The following DOCK4 variants were observed in gnomAD, a reference collection of about 807,000 sequenced individuals.
The protein encoded by DOCK4 is dedicator of cytokinesis 4.
DOCK4 carries 97 observed loss-of-function variants against 268.1 expected under a neutral mutation model. That is an observed-to-expected ratio of 0.36 (90% CI 0.31 to 0.43). The LOEUF (loss-of-function observed/expected upper bound fraction) is 0.43, where lower values mean the gene tolerates loss of function less well. Ranked by LOEUF, DOCK4 falls within the 20% of genes least tolerant of loss-of-function variation. The pLI is 1.00. For missense variants in DOCK4, 2,145 were observed against 2,455.7 expected (o/e 0.87, Z 2.67); for synonymous variants, 954 against 887.2 (o/e 1.08, Z -1.34).
In DOCK4 at chr7:112,038,061, G is replaced by A. The variant is rs149339596; in HGVS notation, c.38-33930C>T. Among the ~76,000 whole-genome samples the A allele has an allele frequency of 5.3e-5, 8 of 152,276 alleles. No homozygotes were observed. The East Asian group carries it at 1.5e-3, about 29-fold the overall frequency. On this transcript the variant is annotated intron_variant, in intron 1 of 52. Coordinates refer to ENST00000428084, the MANE Select transcript of DOCK4 (RefSeq NM_001363540.2). Reference sequence around the variant, plus strand: ...TTTAAACTTTAAAATAGCATGGACAGCATGTTAGCATTGTTATAAAATTAT... The same window carrying A: ...TTTAAACTTTAAAATAGCATGGACAACATGTTAGCATTGTTATAAAATTAT...
intron 44 of DOCK4, among the ~76,000 whole-genome samples, chr7:111,745,683 T>TAAAATAAA (rs1554579454): frequency 1.4e-4 from 7 of 49,614 alleles, no homozygotes; most frequent in African/African-American, 6.4e-4. Flanking sequence ...GACTCCGTCT[T>TAAAATAAA]AAAAAAAAAA....
At chr7:112,081,785 T>C (rs1330015556) in intron 1 of DOCK4, among the ~76,000 whole-genome samples, 2 of 152,042 alleles carry the variant, frequency 1.3e-5, no homozygotes, top group Non-Finnish European at 2.9e-5. Flanking sequence ...AAAAGAAAGA[T>C]GGTAAATTGG....
At chr7:112,021,094 C>T (rs1192504861) in intron 1 of DOCK4, among the ~76,000 whole-genome samples, 1 of 152,170 alleles carries the variant, frequency 6.6e-6, no homozygotes, top group Non-Finnish European at 1.5e-5. Context: ...ACACAGAGGA[C>T]AAAAGCTGAC....
chr7:112,115,633 T>TCATC (rs200926243), intron 1 of DOCK4, among the ~76,000 whole-genome samples: 2 of 32,188 alleles, frequency 6.2e-5, no homozygotes, highest in Non-Finnish European at 1.0e-4. Flanking sequence ...ATCCACCCAT[T>TCATC]CATCCATCCA....
Position 111,998,478 on chromosome 7 carries a change from T to A in DOCK4, c.188A>T (p.His63Leu), listed in dbSNP as rs1191790895. ...IKGIFPSSYV[H>L]LKNACVKNKG... ...GTTCTTTACACAGGCATTTTTCAAG[T>A]GAACGTAGCTGGAAGGAAATATACC... Residue 63 changes from histidine (H) to leucine (L), a missense_variant, in exon 4 of 53, where the codon CAC (histidine) becomes CTC (leucine). By Grantham distance (99) the His-to-Leu change is moderately conservative (BLOSUM62 -3). Coordinates refer to ENST00000428084, the MANE Select transcript of DOCK4 (RefSeq NM_001363540.2). 1 of 1,591,338 alleles carries A rather than the reference T, an allele frequency of 6.3e-7. No individual in the cohort carries two copies. The highest frequency in any genetic ancestry group is 8.6e-7 in the Non-Finnish European group (1 of 1,166,996).
At chr7:111,896,089 A>G (rs1277684657) in intron 15 of DOCK4, among the ~76,000 whole-genome samples, 4 of 152,212 alleles carry the variant, frequency 2.6e-5, no homozygotes, top group Non-Finnish European at 2.9e-5. Flanking sequence ...TAAATATATG[A>G]TAAATGAATG....
chr7:112,068,267 C>T (rs1028035752), intron 1 of DOCK4, among the ~76,000 whole-genome samples: 2 of 152,068 alleles, frequency 1.3e-5, no homozygotes, highest in Admixed American at 6.6e-5. Flanking sequence ...TACCTGCATC[C>T]CTTGTTGGTT....
intron 36 of DOCK4, among the ~76,000 whole-genome samples, chr7:111,776,806 A>G (rs1465601284): frequency 1.3e-5 from 2 of 151,902 alleles, no homozygotes; most frequent in African/African-American, 4.8e-5. Context: ...TACAAACTTC[A>G]TGTAGGTGAG....
intron 12 of DOCK4, among the ~76,000 whole-genome samples, chr7:111,934,523 GTT>G (rs1183672033): frequency 0.039 from 3,289 of 83,494 alleles, 122 homozygotes; most frequent in African/African-American, 0.13. Flanking sequence ...TTTTGTTTTT[GTT>G]TTTTTTTTTT....
chr7:111,728,752 C>T (rs1563415372), intron 52 of DOCK4, 32 bp from the exon 53 acceptor site: 2 of 1,569,922 alleles, frequency 1.3e-6, no homozygotes. Flanking sequence ...GAGAGGGAGA[C>T]ACAGCATTGA....
At chr7:111,775,503 A>G (rs1798384320) in intron 36 of DOCK4, among the ~76,000 whole-genome samples, 1 of 152,256 alleles carries the variant, frequency 6.6e-6, no homozygotes, top group South Asian at 2.1e-4. Context: ...AGATGGACTG[A>G]GGAAAAAAAC....
At chr7:111,761,248 T>C (rs981227501) in intron 39 of DOCK4, among the ~76,000 whole-genome samples, 1 of 151,974 alleles carries the variant, frequency 6.6e-6, no homozygotes, top group African/African-American at 2.4e-5. Context: ...TTAGTAGAGA[T>C]GGGGTTTCAC....
At chr7:111,873,453 C>G (rs1046498565) in intron 17 of DOCK4, among the ~76,000 whole-genome samples, 2 of 152,168 alleles carry the variant, frequency 1.3e-5, no homozygotes, top group Non-Finnish European at 2.9e-5. Context: ...GCAGCGGGAC[C>G]TGGTAGAACT....
At chr7:112,072,895 G>A (rs564561290) in intron 1 of DOCK4, among the ~76,000 whole-genome samples, 1 of 152,318 alleles carries the variant, frequency 6.6e-6, no homozygotes, top group African/African-American at 2.4e-5. Context: ...CCTCAAGTGA[G>A]CATGAGTACA....
chr7:111,996,406 T>C (rs1386060309), intron 4 of DOCK4, among the ~76,000 whole-genome samples: 1 of 152,204 alleles, frequency 6.6e-6, no homozygotes, highest in Non-Finnish European at 1.5e-5. Context: ...TATATTTTGT[T>C]CAATTATTCT....
chr7:111,975,280 C>CA (rs979565526), intron 8 of DOCK4, among the ~76,000 whole-genome samples: 6 of 151,708 alleles, frequency 4.0e-5, no homozygotes, highest in East Asian at 1.9e-4. Context: ...CAAAAACGAA[C>CA]AAAAAAAACT....
chr7:112,148,816 C>T (rs1815764097), intron 1 of DOCK4, among the ~76,000 whole-genome samples: 1 of 152,086 alleles, frequency 6.6e-6, no homozygotes, highest in Non-Finnish European at 1.5e-5. Flanking sequence ...GGAATTACCC[C>T]GAAGTTCACT....
At chr7:111,763,748 A>G (rs1797598970) in intron 39 of DOCK4, among the ~76,000 whole-genome samples, 2 of 140,322 alleles carry the variant, frequency 1.4e-5, no homozygotes, top group African/African-American at 2.5e-5. Context: ...TGCTCTGCTC[A>G]GAACCTGGAT....
rs368497483 is a variant in DOCK4, at chr7:111,934,681, C to T, written c.1066+859G>A. Among the ~76,000 whole-genome samples, 27 of 150,650 alleles carry T rather than the reference C, an allele frequency of 1.8e-4. 1 individual carries two copies. The East Asian group carries it at 5.1e-3, about 28-fold the overall frequency. On this transcript the variant is annotated intron_variant, in intron 12 of 52. Transcript: ENST00000428084. ...AGTAGCTGGGACTACAGGTGCCTGC[C>T]ACCATGCCCGGCTAATTTTTGTATT...
Sources: allele counts gnomAD v4.1 joint callset (sites outside exome capture counted in the v4.1 genomes callset), GRCh38; gene constraint gnomAD v4.1.1; transcripts MANE v1.5; gene names NCBI Gene and HGNC (gene_info 2026-07-23, HGNC 2026-07-21).